Variants in RBFOX1 observed in about 807,000 individuals in gnomAD.
The protein encoded by RBFOX1 is RNA binding fox-1 homolog 1, also known as RNA binding protein fox-1 homolog 1.
RBFOX1 carries 8 observed loss-of-function variants against 57.7 expected under a neutral mutation model. The observed-to-expected ratio is 0.14, with a 90% CI of 0.08 to 0.25. The LOEUF is 0.25. Ranked by LOEUF, RBFOX1 falls within the 10% of genes least tolerant of loss-of-function variation. The pLI, the probability that RBFOX1 is intolerant of heterozygous loss-of-function variation, is 1.00. For synonymous variants in RBFOX1, 326 were observed against 222.4 expected (o/e 1.47, Z -4.15); for missense variants, 611 against 548.5 (o/e 1.11, Z -1.14).
At chr16:5,514,275 G>A (rs1284797162) in intron 2 of RBFOX1, among the ~76,000 whole-genome samples, 2 of 152,216 alleles carry the variant, frequency 1.3e-5, no homozygotes, top group African/African-American at 4.8e-5. Context: ...CCAGGGCAGT[G>A]TGGCTCTGTC....
At chr16:7,551,672 T>G (rs6500982) in intron 5 of RBFOX1, among the ~76,000 whole-genome samples, 117,380 of 152,076 alleles carry the variant, frequency 0.77, 47,213 homozygotes, top group South Asian at 0.93. Context: ...CTCTAGCTGG[T>G]TCAGTGGCAT....
chr16:6,699,216 T>C (rs1473768166), intron 3 of RBFOX1, among the ~76,000 whole-genome samples: 1 of 152,180 alleles, frequency 6.6e-6, no homozygotes, highest in Non-Finnish European at 1.5e-5. Flanking sequence ...TATGGACTAC[T>C]GTTCTGGGAC....
At chr16:7,694,592 C>T (rs1036329543) in intron 14 of RBFOX1, among the ~76,000 whole-genome samples, 2 of 152,192 alleles carry the variant, frequency 1.3e-5, no homozygotes, top group African/African-American at 4.8e-5. Context: ...TGCTGATGGT[C>T]CTGCAATTTC....
intron 5 of RBFOX1, among the ~76,000 whole-genome samples, chr16:7,553,298 C>T (rs1325871755): frequency 6.6e-6 from 1 of 152,064 alleles, no homozygotes; most frequent in East Asian, 1.9e-4. Flanking sequence ...GTGCCCACCA[C>T]CACACCCCCT....
intron 1 of RBFOX1, among the ~76,000 whole-genome samples, chr16:5,258,698 AC>A (rs2062651801): frequency 6.6e-6 from 1 of 152,148 alleles, no homozygotes; most frequent in Non-Finnish European, 1.5e-5. Context: ...TAGGCGGATC[AC>A]GAGGTCAAGA....
intron 2 of RBFOX1, among the ~76,000 whole-genome samples, chr16:5,503,205 C>G (rs891032241): frequency 2.6e-5 from 4 of 152,172 alleles, no homozygotes; most frequent in African/African-American, 9.7e-5. Flanking sequence ...GTGTCCTCCT[C>G]TGTGCAGTAC....
At chr16:7,369,284 C>G (rs1469930990) in intron 4 of RBFOX1, among the ~76,000 whole-genome samples, 1 of 152,048 alleles carries the variant, frequency 6.6e-6, no homozygotes, top group East Asian at 1.9e-4. Context: ...CTGACCATGT[C>G]TTCCAGAGGA....
chr16:6,889,944 G>C (rs76665679), intron 3 of RBFOX1, among the ~76,000 whole-genome samples: 12 of 152,296 alleles, frequency 7.9e-5, no homozygotes, highest in African/African-American at 2.6e-4. Flanking sequence ...ACGTATTTCA[G>C]TGGTTACCTG....
At chr16:6,417,035 A>G (rs2093641944) in intron 2 of RBFOX1, among the ~76,000 whole-genome samples, 1 of 152,014 alleles carries the variant, frequency 6.6e-6, no homozygotes. Context: ...TTTTTGAGAC[A>G]GAGTCTCTCT....
intron 1 of RBFOX1, among the ~76,000 whole-genome samples, chr16:6,221,293 T>A (rs147596760): frequency 6.6e-6 from 1 of 152,218 alleles, no homozygotes; most frequent in Non-Finnish European, 1.5e-5. Context: ...ATTTTCCTAA[T>A]AGAAACTGTA....
At chr16:6,102,563 C>G (rs940155739) in intron 1 of RBFOX1, among the ~76,000 whole-genome samples, 10 of 152,022 alleles carry the variant, frequency 6.6e-5, no homozygotes, top group African/African-American at 2.4e-4. Context: ...CTCTCTCTCT[C>G]CACCCTCCCA....
intron 4 of RBFOX1, among the ~76,000 whole-genome samples, chr16:7,278,102 C>T (rs1603475961): frequency 6.6e-6 from 1 of 152,186 alleles, no homozygotes. Context: ...TTAATGAATC[C>T]ATAGTGGTAT....
At chr16:6,070,965 A>G (rs1215291911) in intron 1 of RBFOX1, among the ~76,000 whole-genome samples, 2 of 152,134 alleles carry the variant, frequency 1.3e-5, no homozygotes, top group Non-Finnish European at 1.5e-5. Flanking sequence ...TCTGATTTTG[A>G]TTAGTGAGCA....
chr16:5,626,603 T>C (rs1364035283), intron 3 of RBFOX1, among the ~76,000 whole-genome samples: 1 of 152,150 alleles, frequency 6.6e-6, no homozygotes, highest in Non-Finnish European at 1.5e-5. Flanking sequence ...TCCAAAATCC[T>C]TTGTTTTCAG....
At chr16:7,298,636 C>T (rs2095957206) in intron 4 of RBFOX1, among the ~76,000 whole-genome samples, 1 of 152,116 alleles carries the variant, frequency 6.6e-6, no homozygotes, top group South Asian at 2.1e-4. Context: ...CTATGATTAG[C>T]CCACTATCGA....
At chr16:5,987,810 C>G (rs1425362984) in intron 4 of RBFOX1, among the ~76,000 whole-genome samples, 1 of 152,190 alleles carries the variant, frequency 6.6e-6, no homozygotes, top group Non-Finnish European at 1.5e-5. Flanking sequence ...TTACTGAAAA[C>G]TATAGCTAAT....
chr16:5,849,540 C>T (rs115031934), intron 3 of RBFOX1, among the ~76,000 whole-genome samples: 72 of 152,168 alleles, frequency 4.7e-4, no homozygotes, highest in African/African-American at 1.7e-3. Context: ...ATTCCATGGC[C>T]CCTCTGATTT....
chr16:6,806,837 T>TATATA lies in RBFOX1; in HGVS notation c.-16+152187_-16+152188insATATA, dbSNP rs1491107829. On this transcript the variant is annotated intron_variant, in intron 3 of 15. Coordinates refer to ENST00000550418, the MANE Select transcript of RBFOX1 (RefSeq NM_018723.4). ...ATATAAATATATATATATATATATA[T>TATATA]TTTTTTTTTTTTTTGAGAGAAAGTC... Among the ~76,000 whole-genome samples the TATATA allele has an allele frequency of 2.8e-3, 191 of 68,878 alleles. 1 individual carries two copies. The highest frequency in any genetic ancestry group is 8.9e-3 in the African/African-American group (179 of 20,038). 45.2% of individuals were successfully genotyped at this position (68,878 alleles called of 152,430 possible).
chr16:5,343,738 C>T (rs1422061850), intron 1 of RBFOX1, among the ~76,000 whole-genome samples: 1 of 152,082 alleles, frequency 6.6e-6, no homozygotes, highest in Admixed American at 6.6e-5. Context: ...TGACTATGTC[C>T]GTATGTAACA....
Sources: gnomAD v4.1 joint callset for allele counts (sites outside exome capture counted in the v4.1 genomes callset) on GRCh38, gnomAD v4.1.1 for gene constraint, MANE v1.5 for transcripts, NCBI Gene and HGNC (gene_info 2026-07-23, HGNC 2026-07-21) for gene names.